RBFOX1: variants seen among roughly 807,000 people sequenced by gnomAD.
RBFOX1 encodes RNA binding protein fox-1 homolog 1.
A neutral mutation model predicts 57.7 loss-of-function variants in RBFOX1; 8 were observed. The ratio of observed to expected loss-of-function variants is 0.14; its 90% CI spans 0.08 to 0.25. The LOEUF (loss-of-function observed/expected upper bound fraction) is 0.25. Among genes scored for constraint, RBFOX1 ranks in the 10% least tolerant of loss-of-function variants. The pLI, the probability that RBFOX1 is intolerant of heterozygous loss-of-function variation, is 1.00. For synonymous variants in RBFOX1, 326 were observed against 222.4 expected, an observed-to-expected ratio of 1.47 and a Z score of -4.15; for missense variants, 611 against 548.5, an observed-to-expected ratio of 1.11 and a Z score of -1.14.
At chr16:6,889,900 T>C (rs1051517035) in intron 3 of RBFOX1, among the ~76,000 whole-genome samples, 8 of 152,346 alleles carry the variant, frequency 5.3e-5, no homozygotes, top group Middle Eastern at 3.4e-3. Context: ...TTTTAACACA[T>C]TGTATAGCAT....
intron 14 of RBFOX1, among the ~76,000 whole-genome samples, chr16:7,697,953 C>T (rs143729535): frequency 2.0e-5 from 3 of 152,216 alleles, no homozygotes; most frequent in Non-Finnish European, 4.4e-5. Context: ...TGTTTAGTTC[C>T]GTGTGCTGGG....
intron 4 of RBFOX1, among the ~76,000 whole-genome samples, chr16:7,500,676 A>G (rs1253851150): frequency 1.3e-5 from 2 of 152,200 alleles, no homozygotes; most frequent in African/African-American, 4.8e-5. Flanking sequence ...TCCACTAAAT[A>G]GATGTGAATG....
intron 1 of RBFOX1, among the ~76,000 whole-genome samples, chr16:6,297,395 C>T (rs770302795): frequency 2.0e-5 from 3 of 146,864 alleles, no homozygotes; most frequent in Non-Finnish European, 4.5e-5. Flanking sequence ...CGGATAGGCT[C>T]TCATGGATCT....
intron 3 of RBFOX1, among the ~76,000 whole-genome samples, chr16:6,684,271 C>T (rs898500166): frequency 5.3e-5 from 8 of 152,122 alleles, no homozygotes; most frequent in Non-Finnish European, 8.8e-5. Context: ...GATGGCAGTG[C>T]ACGATAAAGA....
intron 4 of RBFOX1, among the ~76,000 whole-genome samples, chr16:7,113,233 T>C (rs903944708): frequency 6.6e-6 from 1 of 152,072 alleles, no homozygotes; most frequent in Admixed American, 6.5e-5. Context: ...TTCTGTGGAG[T>C]TGATTTGAAT....
Position 7,626,164 on chromosome 16 carries a change from C to G in RBFOX1, c.677-4439C>G, listed in dbSNP as rs79394760. Among the ~76,000 whole-genome samples the G allele has an allele frequency of 6.1e-3, 932 of 152,348 alleles. 11 individuals are homozygous for G. Among genetic ancestry groups the G allele is most frequent in the African/African-American group, 0.021 (884 of 41,586 alleles). On this transcript the variant is annotated intron_variant, in intron 10 of 15. Transcript: ENST00000550418. ...AAAGGCATGGAGGTGTGAAACTGCA[C>G]TGCTGTTCCGGTTTGAGTCCAGTTT...
chr16:5,486,068 C>A (rs928271118), intron 2 of RBFOX1, among the ~76,000 whole-genome samples: 1 of 152,186 alleles, frequency 6.6e-6, no homozygotes, highest in African/African-American at 2.4e-5. Context: ...TTTGACAATT[C>A]TTTTCTCTCC....
rs953360282 is a variant in RBFOX1 at position 7,397,354 on chromosome 16, T to C, written c.28-120793T>C. Among the ~76,000 whole-genome samples the C allele has an allele frequency of 2.0e-5, 3 of 152,198 alleles. No individual in the cohort carries two copies. In the South Asian group the frequency reaches 6.2e-4, roughly 32 times the overall value. On this transcript the variant is annotated intron_variant, in intron 4 of 15. Transcript: ENST00000550418. ...GCAAGTGACTTTTCAGGACCACTTA[T>C]CTGCAGACTGTAGGACACCAGTCTA...
chr16:5,358,301 T>A (rs1463114007), intron 1 of RBFOX1, among the ~76,000 whole-genome samples: 1 of 142,220 alleles, frequency 7.0e-6, no homozygotes. Context: ...CCCATTCTGT[T>A]CCAGTATGAC....
In RBFOX1 at chr16:7,410,781, C is replaced by T. The variant is rs534437594; in HGVS notation, c.28-107366C>T. 3.9e-5 allele frequency among the ~76,000 whole-genome samples: 6 copies of T among 152,084 alleles called. No homozygotes were observed. In the South Asian group the frequency reaches 8.3e-4, roughly 21 times the overall value. ...AGTTTTAGACTGATGCTCCTAATTC[C>T]CACAGAGGGGCCTGCATTTTCATCA... On this transcript the variant is annotated intron_variant, in intron 4 of 15. Coordinates refer to ENST00000550418, the MANE Select transcript of RBFOX1 (RefSeq NM_018723.4).
chr16:6,764,297 A>G (rs1473123390), intron 3 of RBFOX1, among the ~76,000 whole-genome samples: 1 of 152,210 alleles, frequency 6.6e-6, no homozygotes, highest in Non-Finnish European at 1.5e-5. Context: ...CTGTGCACAA[A>G]TGATCAAGCT....
At chr16:5,290,648 G>A (rs1197207564) in intron 1 of RBFOX1, among the ~76,000 whole-genome samples, 1 of 151,940 alleles carries the variant, frequency 6.6e-6, no homozygotes, top group Non-Finnish European at 1.5e-5. Context: ...GATAAATGAG[G>A]AACGGCATAG....
At chr16:5,323,951 T>C (rs566835496) in intron 1 of RBFOX1, among the ~76,000 whole-genome samples, 20 of 152,350 alleles carry the variant, frequency 1.3e-4, no homozygotes, top group Non-Finnish European at 1.8e-4. Context: ...ATGTTATTTT[T>C]GGTGAGCTGT....
At chr16:5,331,030 A>G (rs561271152) in intron 1 of RBFOX1, among the ~76,000 whole-genome samples, 1 of 152,208 alleles carries the variant, frequency 6.6e-6, no homozygotes, top group Admixed American at 6.5e-5. Flanking sequence ...TGAAAGGCCT[A>G]CTTGGTATCA....
chr16:6,759,915 C>T (rs894586096), intron 3 of RBFOX1, among the ~76,000 whole-genome samples: 5 of 152,130 alleles, frequency 3.3e-5, no homozygotes, highest in African/African-American at 9.7e-5. Flanking sequence ...GTGGAATTCT[C>T]ATTAGTTTAT....
At chr16:5,379,789 G>T (rs1274619629) in intron 1 of RBFOX1, among the ~76,000 whole-genome samples, 1 of 152,196 alleles carries the variant, frequency 6.6e-6, no homozygotes, top group Non-Finnish European at 1.5e-5. Context: ...CTCTCCCTTT[G>T]ATCTGCTTTA....
intron 4 of RBFOX1, among the ~76,000 whole-genome samples, chr16:5,927,407 C>G (rs916469637): frequency 1.3e-5 from 2 of 152,158 alleles, no homozygotes; most frequent in African/African-American, 4.8e-5. Flanking sequence ...TACGAGTGAT[C>G]TAAAGTCATT....
chr16:5,642,732 G>A (rs2048922205), intron 3 of RBFOX1, among the ~76,000 whole-genome samples: 1 of 152,040 alleles, frequency 6.6e-6, no homozygotes, highest in African/African-American at 2.4e-5. Flanking sequence ...ATGTGCTCCC[G>A]GGAGGGGCCT....
At chr16:7,098,163 TTTTTTA>T (rs540561472) in intron 4 of RBFOX1, among the ~76,000 whole-genome samples, 94 of 152,104 alleles carry the variant, frequency 6.2e-4, no homozygotes, top group African/African-American at 2.2e-3. Flanking sequence ...GGACAAAAAG[TTTTTTA>T]TTTTTATTTA....
Sources: gnomAD v4.1 joint callset for allele counts (sites outside exome capture counted in the v4.1 genomes callset) on GRCh38, gnomAD v4.1.1 for gene constraint, MANE v1.5 for transcripts, NCBI Gene and HGNC (gene_info 2026-07-23, HGNC 2026-07-21) for gene names.